Variants in ERG observed in about 807,000 individuals in gnomAD.
ERG encodes transcriptional regulator ERG.
Under a neutral mutation model 55.3 loss-of-function variants are expected in ERG, and 9 were observed. The ratio of observed to expected loss-of-function variants is 0.16; its 90% CI spans 0.10 to 0.28. ERG has a LOEUF of 0.28. Ranked by LOEUF, ERG falls within the 10% of genes least tolerant of loss-of-function variation. The pLI is 1.00. For missense variants in ERG, 434 were observed against 631.6 expected (o/e 0.69, Z 3.35); for synonymous variants, 223 against 237.3 (o/e 0.94, Z 0.55).
intron 2 of ERG, among the ~76,000 whole-genome samples, chr21:38,568,421 A>G (rs146366407): frequency 6.6e-4 from 100 of 152,228 alleles, no homozygotes; most frequent in African/African-American, 2.3e-3. Context: ...TTTCATTCCC[A>G]TTTTACAGCT....
intron 1 of ERG, among the ~76,000 whole-genome samples, chr21:38,621,040 T>A (rs2060287099): frequency 6.6e-6 from 1 of 152,194 alleles, no homozygotes; most frequent in Non-Finnish European, 1.5e-5. Context: ...TTATTGGGTA[T>A]CCAAGTAAGA....
chr21:38,494,900 C>A (rs1167057886), intron 1 of ERG, among the ~76,000 whole-genome samples: 1 of 152,222 alleles, frequency 6.6e-6, no homozygotes, highest in Non-Finnish European at 1.5e-5. Context: ...TGACCAAGAA[C>A]GGAAGCAGCA....
chr21:38,459,098 A>G (rs1252174804), intron 1 of ERG, among the ~76,000 whole-genome samples: 1 of 151,060 alleles, frequency 6.6e-6, no homozygotes, highest in African/African-American at 2.4e-5. Flanking sequence ...TCCTCTGTGC[A>G]CTCTCCTGGG....
chr21:38,588,239 AC>A (rs879490197), upstream of ERG, among the ~76,000 whole-genome samples: 26 of 152,132 alleles, frequency 1.7e-4, no homozygotes, highest in Non-Finnish European at 2.6e-4. Flanking sequence ...CAAACTGCTC[AC>A]CCCAGCTCAA....
chr21:38,476,639 G>A (rs907661941), intron 1 of ERG, among the ~76,000 whole-genome samples: 23 of 152,158 alleles, frequency 1.5e-4, no homozygotes, highest in African/African-American at 5.6e-4. Context: ...AAACTGGAGA[G>A]CAATTAACCT....
At chr21:38,495,862 A>G (rs942351374) in intron 1 of ERG, among the ~76,000 whole-genome samples, 1 of 152,224 alleles carries the variant, frequency 6.6e-6, no homozygotes, top group Admixed American at 6.5e-5. Context: ...TTGTGGGGAC[A>G]GTGGGGCCGG....
At chr21:38,427,110 C>T (rs954867625) in intron 2 of ERG, among the ~76,000 whole-genome samples, 17 of 151,330 alleles carry the variant, frequency 1.1e-4, no homozygotes, top group African/African-American at 3.2e-4. Context: ...AGGCTGGTTG[C>T]GGCAGCTCAT....
chr21:38,415,762 T>C (rs1029458146), intron 3 of ERG, among the ~76,000 whole-genome samples: 38 of 152,118 alleles, frequency 2.5e-4, no homozygotes, highest in Admixed American at 2.4e-3. Context: ...AGACTGAACT[T>C]AGACCACCAA....
chr21:38,443,516 G>T (rs927414554), intron 2 of ERG, among the ~76,000 whole-genome samples: 22 of 152,240 alleles, frequency 1.4e-4, no homozygotes, highest in African/African-American at 5.3e-4. Context: ...GTGTTTCCAG[G>T]CTGTGTTCCA....
At chr21:38,543,067 T>C (rs2059764432) in intron 2 of ERG, among the ~76,000 whole-genome samples, 1 of 152,202 alleles carries the variant, frequency 6.6e-6, no homozygotes. Flanking sequence ...TTAATCTCAC[T>C]ATGCAGCCAA....
At chr21:38,485,352 C>T (rs1269893982) in intron 1 of ERG, among the ~76,000 whole-genome samples, 6 of 150,342 alleles carry the variant, frequency 4.0e-5, no homozygotes, top group South Asian at 2.1e-4. Flanking sequence ...TAAGTGAGTA[C>T]AAAAGAGTCA....
rs1395475623 is a variant in ERG, at chr21:38,573,532, G to A, written c.-41+2130C>T. Among the ~76,000 whole-genome samples, 5 of 152,166 alleles carry A rather than the reference G, an allele frequency of 3.3e-5. No individual in the cohort carries two copies. The East Asian group carries it at 7.7e-4, about 23-fold the overall frequency. Reference sequence around the variant, plus strand: ...CTTTACTCCGCTGAGATGTTTGGGTGGAGAGAAACATACATCTGGCCTATG... The same window carrying A: ...CTTTACTCCGCTGAGATGTTTGGGTAGAGAGAAACATACATCTGGCCTATG... On this transcript the variant is annotated intron_variant, in intron 2 of 8. Transcript: ENST00000398897.
chr21:38,437,310 G>C (rs964093375), intron 2 of ERG, among the ~76,000 whole-genome samples: 1 of 151,586 alleles, frequency 6.6e-6, no homozygotes, highest in Non-Finnish European at 1.5e-5. Context: ...GTGCCACTCG[G>C]AGCCAGGTCA....
chr21:38,373,552 G>A, the ERG span, among the ~76,000 whole-genome samples: 1 of 152,166 alleles, frequency 6.6e-6, no homozygotes, highest in African/African-American at 2.4e-5. Context: ...AGTAGCACTG[G>A]GAGGTTGAAA....
At chr21:38,655,711 A>G (rs867204371) in intron 1 of ERG, among the ~76,000 whole-genome samples, 1 of 152,194 alleles carries the variant, frequency 6.6e-6, no homozygotes, top group African/African-American at 2.4e-5. Flanking sequence ...TGTCACTGTA[A>G]CCATGAAACT....
intron 2 of ERG, among the ~76,000 whole-genome samples, chr21:38,445,144 T>G (rs973135252): frequency 2.7e-5 from 4 of 150,202 alleles, no homozygotes; most frequent in African/African-American, 4.9e-5. Context: ...TCTTCTTTTT[T>G]TTTTTTTTTT....
chr21:38,616,052 T>C (rs2060257083), intron 1 of ERG, among the ~76,000 whole-genome samples: 1 of 152,144 alleles, frequency 6.6e-6, no homozygotes, highest in Non-Finnish European at 1.5e-5. Context: ...GATTAGATCA[T>C]GGGGGCAGTT....
intron 6 of ERG, among the ~76,000 whole-genome samples, chr21:38,396,065 G>C (rs760136037): frequency 6.6e-6 from 1 of 152,194 alleles, no homozygotes; most frequent in African/African-American, 2.4e-5. Flanking sequence ...GGCTGGATGG[G>C]AACAGATGAG....
downstream of ERG, among the ~76,000 whole-genome samples, chr21:38,377,105 T>C (rs1987264150): frequency 6.6e-6 from 1 of 152,260 alleles, no homozygotes; most frequent in African/African-American, 2.4e-5. Context: ...ATTTATAACA[T>C]AGTTTAACCT....
Sources: gnomAD v4.1 joint callset for allele counts (sites outside exome capture counted in the v4.1 genomes callset) on GRCh38, gnomAD v4.1.1 for gene constraint, MANE v1.5 for transcripts, NCBI Gene and HGNC (gene_info 2026-07-23, HGNC 2026-07-21) for gene names.